Variants in CAPN9 observed in about 807,000 individuals in gnomAD.
CAPN9 encodes calpain-9.
Under a neutral mutation model 92.8 loss-of-function variants are expected in CAPN9, and 81 were observed. The observed-to-expected ratio is 0.87, with a 90% CI of 0.73 to 1.05. The LOEUF is 1.05. CAPN9 is among the 50% of genes least tolerant of loss of function. The pLI is 0.00. For missense variants in CAPN9, 848 were observed against 866.2 expected (o/e 0.98, Z 0.26); for synonymous variants, 304 against 328.0 (o/e 0.93, Z 0.79).
intron 2 of CAPN9, among the ~76,000 whole-genome samples, chr1:230,755,634 G>A (rs543513694): frequency 2.5e-4 from 38 of 152,300 alleles, no homozygotes; most frequent in Middle Eastern, 3.4e-3. Context: ...TCACAGCCCC[G>A]GAGTTTACAG....
At chr1:230,758,175 A>C (rs1665377684) in intron 2 of CAPN9, among the ~76,000 whole-genome samples, 1 of 152,240 alleles carries the variant, frequency 6.6e-6, no homozygotes, top group African/African-American at 2.4e-5. Context: ...GCCGGAAAAC[A>C]CTCATTTTCC....
intron 2 of CAPN9, among the ~76,000 whole-genome samples, chr1:230,757,760 A>G (rs975296226): frequency 6.6e-6 from 1 of 150,976 alleles, no homozygotes; most frequent in African/African-American, 2.4e-5. Context: ...GAACAGCATC[A>G]AGGCATGCTG....
At chr1:230,782,472 T>A (rs1040636384) in intron 11 of CAPN9, among the ~76,000 whole-genome samples, 3 of 152,220 alleles carry the variant, frequency 2.0e-5, no homozygotes, top group Non-Finnish European at 4.4e-5. Context: ...AGTTTTAGTC[T>A]ATGAGACTGT....
intron 9 of CAPN9, among the ~76,000 whole-genome samples, chr1:230,779,835 C>G (rs1222753196): frequency 6.6e-6 from 1 of 152,084 alleles, no homozygotes; most frequent in Non-Finnish European, 1.5e-5. Context: ...CCACTGCACT[C>G]TCCTTTGAAA....
intron 4 of CAPN9, among the ~76,000 whole-genome samples, chr1:230,763,688 G>A (rs1211089447): frequency 6.6e-6 from 1 of 152,198 alleles, no homozygotes; most frequent in Non-Finnish European, 1.5e-5. Flanking sequence ...CAGAAGCAAG[G>A]ATGGTCTTGC....
chr1:230,772,715 C>T (rs2102875814), intron 7 of CAPN9, among the ~76,000 whole-genome samples: 1 of 149,842 alleles, frequency 6.7e-6, no homozygotes, highest in East Asian at 2.0e-4. Flanking sequence ...GCATTCCAGC[C>T]TGGGCAACAG....
chr1:230,767,921 A>T (rs1268231071), intron 5 of CAPN9, among the ~76,000 whole-genome samples: 1 of 151,978 alleles, frequency 6.6e-6, no homozygotes, highest in Admixed American at 6.6e-5. Flanking sequence ...CTAAATGACT[A>T]GTTAATGGGT....
intron 14 of CAPN9, 58 bp from the exon 15 acceptor site, chr1:230,791,805 TG>T: frequency 7.4e-7 from 1 of 1,355,326 alleles, no homozygotes; most frequent in African/African-American, 1.4e-5. Context: ...TTTCAGCAGA[TG>T]GGTACATAGG....
intron 3 of CAPN9, among the ~76,000 whole-genome samples, chr1:230,761,137 G>C (rs1411405198): frequency 6.6e-6 from 1 of 152,092 alleles, no homozygotes; most frequent in Non-Finnish European, 1.5e-5. Flanking sequence ...GGGATCATGT[G>C]GGGGTGGGGA....
chr1:230,768,655 C>T (rs1304769999), intron 5 of CAPN9, among the ~76,000 whole-genome samples: 2 of 150,822 alleles, frequency 1.3e-5, no homozygotes, highest in African/African-American at 4.9e-5. Context: ...AATTTTATCT[C>T]ATCTTTTTAA....
rs137936806 is a variant in CAPN9, at chr1:230,772,642, C to T, written c.875+543C>T. Among the ~76,000 whole-genome samples, 12 of 152,086 alleles carry T rather than the reference C, an allele frequency of 7.9e-5. No homozygotes were observed. The East Asian group carries it at 9.7e-4, about 12-fold the overall frequency. On this transcript the variant is annotated intron_variant, in intron 7 of 19. Transcript: ENST00000271971. Reference sequence around the variant, plus strand: ...CTATAATTCCAACACGTCAGCAAGCCGAGGTGGGAGGATCACTTGAGTATG... The same window carrying T: ...CTATAATTCCAACACGTCAGCAAGCTGAGGTGGGAGGATCACTTGAGTATG...
chr1:230,748,700 T>C (rs1384689597), intron 1 of CAPN9, among the ~76,000 whole-genome samples: 1 of 152,120 alleles, frequency 6.6e-6, no homozygotes, highest in Non-Finnish European at 1.5e-5. Flanking sequence ...ACTATTATTA[T>C]CATCATTACA....
At chr1:230,762,826 G>A in intron 4 of CAPN9, 40 bp downstream of exon 4, 1 of 1,602,508 alleles carries the variant, frequency 6.2e-7, no homozygotes, top group Non-Finnish European at 8.5e-7. Flanking sequence ...CCTCCCGACA[G>A]GAGTCTCTAC....
At chr1:230,774,877 G>A (rs12026991) in intron 8 of CAPN9, among the ~76,000 whole-genome samples, 2 of 151,644 alleles carry the variant, frequency 1.3e-5, no homozygotes, top group Non-Finnish European at 2.9e-5. Context: ...AAGCAGCTGA[G>A]AGTACAGGCA....
intron 13 of CAPN9, 118 bp from the exon 14 acceptor site, chr1:230,790,014 G>T (rs1667870889): frequency 1.3e-6 from 1 of 741,434 alleles, no homozygotes; most frequent in African/African-American, 1.8e-5. Flanking sequence ...CCACAGCAGG[G>T]TCCTGAAGGC....
intron 7 of CAPN9, among the ~76,000 whole-genome samples, chr1:230,772,494 C>T (rs750773378): frequency 6.6e-6 from 1 of 152,050 alleles, no homozygotes; most frequent in Non-Finnish European, 1.5e-5. Flanking sequence ...TTTGGAGTGT[C>T]GGAATCCCTG....
chr1:230,790,145 C>G lies in CAPN9; in HGVS notation c.1613C>G (p.Thr538Arg), dbSNP rs1572084682. ...CCACTTCAACAGGACATGGAGGTGACAGCAGAGGAACTTGAGTATGTTTTA... is the reference window on the plus strand; with the variant it reads ...CCACTTCAACAGGACATGGAGGTGAGAGCAGAGGAACTTGAGTATGTTTTA... ...EQVAGEDMEV[T>R]AEELEYVLNA... Residue 538 changes from threonine to arginine, a missense_variant, in exon 14 of 20, where the codon ACA becomes AGA. Coordinates refer to ENST00000271971, the MANE Select transcript of CAPN9 (RefSeq NM_006615.3). 5.6e-6 allele frequency: 9 copies of G among 1,613,756 alleles called. No individual in the cohort carries two copies. Among genetic ancestry groups the G allele is most frequent in the Non-Finnish European group, 7.6e-6 (9 of 1,179,780 alleles).
chr1:230,787,450 T>G, intron 12 of CAPN9, 72 bp from the exon 13 acceptor site: 1 of 1,360,654 alleles, frequency 7.3e-7, no homozygotes. Flanking sequence ...GCTCCTGGCT[T>G]CTTTCCTGCT....
chr1:230,753,344 TTGAG>T (rs1275185956), intron 1 of CAPN9, among the ~76,000 whole-genome samples: 2 of 152,196 alleles, frequency 1.3e-5, no homozygotes, highest in South Asian at 2.1e-4. Context: ...CCAAGCTTTC[TTGAG>T]TATTTTAGAC....
Sources: gnomAD v4.1 joint callset for allele counts (sites outside exome capture counted in the v4.1 genomes callset) on GRCh38, gnomAD v4.1.1 for gene constraint, MANE v1.5 for transcripts, NCBI Gene and HGNC (gene_info 2026-07-23, HGNC 2026-07-21) for gene names.